PRPF40B: variants seen among roughly 807,000 people sequenced by gnomAD.
The protein encoded by PRPF40B is pre-mRNA-processing factor 40 homolog B.
PRPF40B carries 56 observed loss-of-function variants against 124.5 expected under a neutral mutation model. The ratio of observed to expected loss-of-function variants is 0.45; its 90% CI spans 0.36 to 0.56. The LOEUF (loss-of-function observed/expected upper bound fraction) is 0.56. Among genes scored for constraint, PRPF40B ranks in the 20% least tolerant of loss-of-function variants. PRPF40B has a pLI of 0.00. For missense variants in PRPF40B, 1,053 were observed against 1,169.5 expected, an observed-to-expected ratio of 0.90 and a Z score of 1.45; for synonymous variants, 443 against 426.4, an observed-to-expected ratio of 1.04 and a Z score of -0.48.
Position 49,643,308 on chromosome 12 carries a change from CTG to C in PRPF40B, c.2292_2293del (p.Glu765AlafsTer6). ...AGGCGGAACCCCTCAGAGTCAGGCT[CTG>C]AGCCCTCTTCCTCACTTGATTCAGT... is the stretch of plus-strand genomic sequence containing the variant. On this transcript the variant is annotated frameshift_variant, in exon 23 of 26. Coordinates refer to ENST00000548825, the MANE Select transcript of PRPF40B (RefSeq NM_001031698.3). LOFTEE classifies it high-confidence loss of function. The C allele has an allele frequency of 6.2e-7, 1 of 1,611,952 alleles. No homozygotes were observed. Among genetic ancestry groups the C allele is most frequent in the Non-Finnish European group, 8.5e-7 (1 of 1,179,198 alleles).
At chr12:49,641,770 T>TAATTG in intron 18 of PRPF40B, 138 bp from the exon 19 acceptor site, 1 of 670,114 alleles carries the variant, frequency 1.5e-6, no homozygotes, top group Non-Finnish European at 2.6e-6. Flanking sequence ...ATAACTTGGT[T>TAATTG]TCTAATGCAG....
In PRPF40B at chr12:49,644,192, AC is replaced by A; in HGVS notation, c.*3del. 1.2e-6 allele frequency: 2 copies of A among 1,613,972 alleles called. No homozygotes were observed. Among genetic ancestry groups the A allele is most frequent in the South Asian group, 2.2e-5 (2 of 91,086 alleles). ...TACAGCAGCTGGATGATCACCAGTGACCCAATGAGCTGTTCTCTGCCTCGGG... is the reference window on the plus strand; with the variant it reads ...TACAGCAGCTGGATGATCACCAGTGACCAATGAGCTGTTCTCTGCCTCGGG... On this transcript the variant is annotated 3_prime_UTR_variant, in exon 26 of 26. Coordinates refer to ENST00000548825, the MANE Select transcript of PRPF40B (RefSeq NM_001031698.3).
intron 1 of PRPF40B, chr12:49,623,823 C>G (rs921518825): frequency 1.0e-6 from 1 of 956,942 alleles, no homozygotes; most frequent in Non-Finnish European, 1.2e-6. Flanking sequence ...GCGAAAGGTG[C>G]GAGAGTGGCG....
chr12:49,642,725 G>T lies in PRPF40B; in HGVS notation c.2118+50G>T. On this transcript the variant is annotated intron_variant, in intron 21 of 25. Coordinates refer to ENST00000548825, the MANE Select transcript of PRPF40B (RefSeq NM_001031698.3). The surrounding 1 kb of genome is among the most constrained non-coding windows in gnomAD (Gnocchi z 5.8). ...CTGCCTCAGGCCCTTGAACTCATTA[G>T]ACCAGTTCAACAGAGACCTCAGTGG... The T allele has an allele frequency of 6.4e-7, 1 of 1,572,422 alleles. No individual in the cohort carries two copies. The highest frequency in any genetic ancestry group is 1.1e-5 in the South Asian group (1 of 87,220).
At position 49,631,587 on chromosome 12, in the gene PRPF40B, G is replaced by A. The variant is rs1229269405; in HGVS notation, c.228+43G>A. The A allele has an allele frequency of 6.5e-7, 1 of 1,529,354 alleles. No individual in the cohort carries two copies. The highest frequency in any genetic ancestry group is 8.8e-7 in the Non-Finnish European group (1 of 1,140,780). 94.7% of individuals were successfully genotyped at this position (1,529,354 alleles called of 1,614,324 possible). On this transcript the variant is annotated intron_variant, in intron 3 of 25. Transcript: ENST00000548825. The surrounding 1 kb of genome is among the most constrained non-coding windows in gnomAD (Gnocchi z 4.3). Reference sequence around the variant, plus strand: ...CCTGGGGCCTCAGAAAACCCTGTCAGTTTAGCTGGGGGTGGAGATAAGAGC... The same window carrying A: ...CCTGGGGCCTCAGAAAACCCTGTCAATTTAGCTGGGGGTGGAGATAAGAGC...
chr12:49,636,243 G>T (rs1411127604), intron 15 of PRPF40B, among the ~76,000 whole-genome samples: 2 of 152,140 alleles, frequency 1.3e-5, no homozygotes, highest in Admixed American at 1.3e-4. Flanking sequence ...TCTGGGATAG[G>T]AATCTTAAGT....
upstream of PRPF40B, chr12:49,623,297 C>G (rs1471425445): frequency 5.9e-6 from 1 of 169,590 alleles, no homozygotes; most frequent in African/African-American, 2.4e-5. Context: ...GCAGAGGCGC[C>G]GGCCCCCGAC....
chr12:49,624,150 A>G, intron 1 of PRPF40B: 1 of 894,416 alleles, frequency 1.1e-6, no homozygotes. Context: ...TCAACAAACT[A>G]ACGACTCTGT....
At position 49,636,796 on chromosome 12, in the gene PRPF40B, C is replaced by T. The variant is rs764686125; in HGVS notation, c.1507C>T (p.Arg503Trp). Residue 503 changes from arginine (R) to tryptophan (W), a missense_variant, in exon 16 of 26, where the codon CGG (arginine) becomes TGG (tryptophan). Around this residue, in one of 2 missense-constraint regions of PRPF40B, gnomAD observed 895 missense variants for 1,052.2 expected, o/e 0.85. Transcript: ENST00000548825. ...LEREEEEERERARLRERRQQR... is the reference protein window; with the variant it reads ...LEREEEEEREWARLRERRQQR... ...GAGGGAAGAGGAGGAGGAACGGGAGCGGGCCCGGCTTCGGGAGCGACGCCA... is the reference window on the plus strand; with the variant it reads ...GAGGGAAGAGGAGGAGGAACGGGAGTGGGCCCGGCTTCGGGAGCGACGCCA... 1.2e-5 allele frequency: 19 copies of T among 1,614,070 alleles called. No homozygotes were observed. Among genetic ancestry groups the T allele is most frequent in the African/African-American group, 4.0e-5 (3 of 74,916 alleles).
In PRPF40B at chr12:49,643,902, C is replaced by G. The variant is rs1030494775; in HGVS notation, c.2484C>G (p.Gly828=). ...AGACAGACCCTGAGGAGAAAGCTGG[C>G]AAGGAGAGCGATGAGAAAGAACAAG... ...ESETDPEEKA[G]KESDEKEQEQ... is the part of the protein sequence containing the mutation. Residue 828 remains glycine, a synonymous_variant, in exon 25 of 26, where the codon GGC becomes GGG. Transcript: ENST00000548825. 2 of 1,614,024 alleles carry G rather than the reference C, an allele frequency of 1.2e-6. No homozygotes were observed. The highest frequency in any genetic ancestry group is 1.7e-6 in the Non-Finnish European group (2 of 1,180,034).
chr12:49,633,874 G>A lies in PRPF40B; in HGVS notation c.606-12G>A. 6.2e-7 allele frequency: 1 copy of A among 1,613,722 alleles called. No individual in the cohort carries two copies. The highest frequency in any genetic ancestry group is 8.5e-7 in the Non-Finnish European group (1 of 1,179,990). ...TCTCCTCCTGGACACCGCCCTTCTG[G>A]CTCATCTGCAGGAAACAGCAGCAGC... On this transcript the variant is annotated splice_polypyrimidine_tract_variant and intron_variant, in intron 9 of 25. Transcript: ENST00000548825.
At position 49,631,455 on chromosome 12, in the gene PRPF40B, A is replaced by T; in HGVS notation, c.139A>T (p.Ser47Cys). ...PFPPMGLPPM[S>C]QRPPAIPPMP... ...TCCTCCGATGGGGCTACCCCCCATGAGTCAGAGACCACCAGCTATCCCCCC... is the reference window on the plus strand; with the variant it reads ...TCCTCCGATGGGGCTACCCCCCATGTGTCAGAGACCACCAGCTATCCCCCC... The change falls in exon 3 of 26, where the codon AGT becomes TGT. Residue 47 changes from serine to cysteine, a missense_variant. Transcript: ENST00000548825. The surrounding 1 kb of genome is among the most constrained non-coding windows in gnomAD (Gnocchi z 4.3). The T allele has an allele frequency of 7.0e-7, 1 of 1,419,656 alleles. No individual in the cohort carries two copies. The highest frequency in any genetic ancestry group is 9.4e-7 in the Non-Finnish European group (1 of 1,069,002). The allele number at this position is 1,419,656 out of a possible 1,614,324, so 87.9% of individuals were successfully genotyped here. A position where few individuals can be genotyped will look rare whatever the true frequency, so the allele number is the denominator to read the frequency against.
chr12:49,641,723 G>A (rs1255830324), intron 18 of PRPF40B, 185 bp from the exon 19 acceptor site: 2 of 591,350 alleles, frequency 3.4e-6, no homozygotes, highest in South Asian at 4.2e-5. Context: ...ACCAAGGGTA[G>A]GCATGGGGGC....
Position 49,634,553 on chromosome 12 carries a change from G to A in PRPF40B, c.952G>A (p.Ala318Thr), listed in dbSNP as rs903899586. The A allele has an allele frequency of 1.2e-6, 2 of 1,614,220 alleles. No homozygotes were observed. Among genetic ancestry groups the A allele is most frequent in the Non-Finnish European group, 8.5e-7 (1 of 1,180,008 alleles). Reference sequence around the variant, plus strand: ...TTCATTCCAGGCTGTCCCCTCCAATGCCTCATGGGAACAGGCCATGAAGAT... The same window carrying A: ...TTCATTCCAGGCTGTCCCCTCCAATACCTCATGGGAACAGGCCATGAAGAT... ...LLRDKAVPSN[A>T]SWEQAMKMVV... The change falls in exon 12 of 26, where the codon GCC becomes ACC. Residue 318 changes from alanine to threonine, a missense_variant. By Grantham distance (58) the Ala-to-Thr change is moderately conservative. Coordinates refer to ENST00000548825, the MANE Select transcript of PRPF40B (RefSeq NM_001031698.3).
chr12:49,632,031 C>A, intron 4 of PRPF40B, 106 bp downstream of exon 4: 3 of 1,128,204 alleles, frequency 2.7e-6, no homozygotes, highest in East Asian at 2.3e-5. Context: ...CTCATCGCAT[C>A]CACCCAGGTC....
Position 49,643,922 on chromosome 12 carries a change from A to G in PRPF40B, c.2504A>G (p.Glu835Gly), listed in dbSNP as rs1297213885. The change falls in exon 25 of 26, where the codon GAA (glutamate) becomes GGA (glycine). Residue 835 changes from glutamate to glycine, a missense_variant. Physicochemically the swap from Glu to Gly is moderately conservative, Grantham distance 98 (BLOSUM62 -2). Around this residue, in one of 2 missense-constraint regions of PRPF40B, gnomAD observed 895 missense variants for 1,052.2 expected, o/e 0.85. Transcript: ENST00000548825. ...GCTGGCAAGGAGAGCGATGAGAAAGAACAAGAACAGGACAAGGACAGGGAG... is the reference window on the plus strand; with the variant it reads ...GCTGGCAAGGAGAGCGATGAGAAAGGACAAGAACAGGACAAGGACAGGGAG... ...EKAGKESDEK[E>G]QEQDKDRELQ... 1.2e-6 allele frequency: 2 copies of G among 1,614,122 alleles called. No individual in the cohort carries two copies. Among genetic ancestry groups the G allele is most frequent in the African/African-American group, 2.7e-5 (2 of 74,944 alleles).
At position 49,623,572 on chromosome 12, in the gene PRPF40B, G is replaced by C. The variant is rs1355217783; in HGVS notation, c.-19G>C. ...CTGGCGGGTGGGCTGAGCCGGCCCA[G>C]CTGCTCGGAGGCTCTGGCATGGTAA... On this transcript the variant is annotated 5_prime_UTR_variant, in exon 1 of 26. Transcript: ENST00000548825. 4 of 1,236,868 alleles carry C rather than the reference G, an allele frequency of 3.2e-6. No individual in the cohort carries two copies. The allele number at this position is 1,236,868 out of a possible 1,614,324, so 76.6% of individuals were successfully genotyped here.
chr12:49,641,885 T>G, intron 18 of PRPF40B, 23 bp from the exon 19 acceptor site: 2 of 1,607,670 alleles, frequency 1.2e-6, no homozygotes, highest in Non-Finnish European at 1.7e-6. Flanking sequence ...GTGCCCCTGC[T>G]TCATGCACTG....
rs935530738 is a variant in PRPF40B, at chr12:49,631,114, C to T, written c.85-287C>T. ...GGGAGAATTGCTGAAGAGGTGGAGC[C>T]TTCCAGTCTCAGTCTGGTGCTGTTA... On this transcript the variant is annotated intron_variant, in intron 2 of 25. Coordinates refer to ENST00000548825, the MANE Select transcript of PRPF40B (RefSeq NM_001031698.3). This position sits in a 1 kb window ranked among gnomAD's most constrained non-coding sequence, Gnocchi z 4.3. Among the ~76,000 whole-genome samples the T allele has an allele frequency of 1.3e-5, 2 of 152,138 alleles. No individual in the cohort carries two copies. Among genetic ancestry groups the T allele is most frequent in the African/African-American group, 2.4e-5 (1 of 41,416 alleles).
Sources: gnomAD v4.1 joint callset for allele counts (sites outside exome capture counted in the v4.1 genomes callset) on GRCh38, gnomAD v4.1.1 for gene constraint, gnomAD v4.1.1 regional missense constraint, Gnocchi (gnomAD v3.1) non-coding constraint, MANE v1.5 for transcripts, NCBI Gene and HGNC (gene_info 2026-07-23, HGNC 2026-07-21) for gene names.